CERS6: variants seen among roughly 807,000 people sequenced by gnomAD.
CERS6 encodes ceramide synthase 6.
CERS6 carries 26 observed loss-of-function variants against 56.8 expected under a neutral mutation model. The ratio of observed to expected loss-of-function variants is 0.46; its 90% CI spans 0.34 to 0.63. CERS6 has a LOEUF of 0.63. CERS6 is among the 30% of genes least tolerant of loss of function. The probability of loss-of-function intolerance (pLI) is 0.01; values close to 1 mark genes in which losing one functional copy is unlikely to be tolerated. For synonymous variants in CERS6, 164 were observed against 173.3 expected (o/e 0.95, Z 0.42); for missense variants, 415 against 467.5 (o/e 0.89, Z 1.04).
intron 4 of CERS6, among the ~76,000 whole-genome samples, chr2:168,683,800 C>G (rs564999479): frequency 7.2e-5 from 11 of 152,298 alleles, no homozygotes; most frequent in African/African-American, 2.6e-4. Context: ...TATCCCCAGA[C>G]TCTTGAGAAT....
intron 1 of CERS6, among the ~76,000 whole-genome samples, chr2:168,478,692 C>CT (rs1320560385): frequency 2.0e-5 from 3 of 152,256 alleles, no homozygotes; most frequent in Admixed American, 6.5e-5. Context: ...TCCCTGGAGA[C>CT]TTTTATCACT....
chr2:168,531,283 A>G (rs1695162147), intron 1 of CERS6, among the ~76,000 whole-genome samples: 2 of 152,230 alleles, frequency 1.3e-5, no homozygotes, highest in Admixed American at 1.3e-4. Context: ...AAAAACTAAA[A>G]TAGGACACTT....
At chr2:168,699,718 T>C (rs1686757289) in intron 6 of CERS6, among the ~76,000 whole-genome samples, 1 of 152,176 alleles carries the variant, frequency 6.6e-6, no homozygotes, top group Non-Finnish European at 1.5e-5. Flanking sequence ...AGTTGGTACT[T>C]ATTTGGTCAG....
intron 3 of CERS6, among the ~76,000 whole-genome samples, chr2:168,613,281 T>C (rs1381629539): frequency 6.6e-6 from 1 of 152,112 alleles, no homozygotes; most frequent in South Asian, 2.1e-4. Context: ...TGTCCAGGGA[T>C]ATAGAGATGG....
intron 3 of CERS6, 72 bp downstream of exon 3, chr2:168,561,394 G>A: frequency 6.4e-7 from 1 of 1,573,794 alleles, no homozygotes; most frequent in East Asian, 2.2e-5. Flanking sequence ...AAAAATAAAA[G>A]ATCTGTGCAG....
chr2:168,652,031 CA>C (rs1685354724), intron 4 of CERS6, among the ~76,000 whole-genome samples: 1 of 150,596 alleles, frequency 6.6e-6, no homozygotes, highest in African/African-American at 2.4e-5. Flanking sequence ...CACTGCCCCC[CA>C]CCCCCTTTTT....
At chr2:168,525,643 GC>G (rs533250186) in intron 1 of CERS6, among the ~76,000 whole-genome samples, 2 of 152,272 alleles carry the variant, frequency 1.3e-5, no homozygotes, top group South Asian at 2.1e-4. Context: ...CTATACAACG[GC>G]CCGAGCCCCT....
chr2:168,556,292 C>T (rs965190162), intron 2 of CERS6, among the ~76,000 whole-genome samples: 4 of 152,066 alleles, frequency 2.6e-5, no homozygotes, highest in Admixed American at 6.5e-5. Context: ...TGAACTGAAC[C>T]TAGTAACACA....
At chr2:168,666,081 C>T (rs1336817335) in intron 4 of CERS6, among the ~76,000 whole-genome samples, 1 of 151,982 alleles carries the variant, frequency 6.6e-6, no homozygotes, top group African/African-American at 2.4e-5. Context: ...GACCCCTGCA[C>T]TCCCCAGTTT....
chr2:168,518,796 T>C (rs1368214009), intron 1 of CERS6, among the ~76,000 whole-genome samples: 3 of 152,228 alleles, frequency 2.0e-5, no homozygotes, highest in Non-Finnish European at 4.4e-5. Flanking sequence ...CCTGCAGAGC[T>C]GATGTCTTTC....
chr2:168,676,088 A>T (rs1686053045), intron 4 of CERS6, among the ~76,000 whole-genome samples: 1 of 152,198 alleles, frequency 6.6e-6, no homozygotes, highest in Non-Finnish European at 1.5e-5. Context: ...TTCTACATTC[A>T]GTCTGTTGTG....
chr2:168,620,647 C>T (rs970193480), intron 3 of CERS6, among the ~76,000 whole-genome samples: 3 of 152,140 alleles, frequency 2.0e-5, no homozygotes, highest in South Asian at 4.1e-4. Context: ...TGGATTCTAC[C>T]TCATCCCTGT....
chr2:168,493,659 T>G (rs919658898), intron 1 of CERS6, among the ~76,000 whole-genome samples: 6 of 152,132 alleles, frequency 3.9e-5, no homozygotes, highest in African/African-American at 1.4e-4. Flanking sequence ...GAATCAATTT[T>G]AGCTGAACAC....
intron 1 of CERS6, among the ~76,000 whole-genome samples, chr2:168,486,519 G>GTTTTTTTTTTTTTTTTT (rs200121622): frequency 7.6e-6 from 1 of 130,972 alleles, no homozygotes; most frequent in Non-Finnish European, 1.6e-5. Flanking sequence ...TCTAGATTTG[G>GTTTTTTTTTTTTTTTTT]TTTTGTTTTT....
At chr2:168,691,744 A>T (rs1686508917) in intron 5 of CERS6, among the ~76,000 whole-genome samples, 1 of 152,200 alleles carries the variant, frequency 6.6e-6, no homozygotes, top group Non-Finnish European at 1.5e-5. Context: ...AGATCCGTTT[A>T]AAAAGCTGGG....
rs115679556 is a variant in CERS6, at chr2:168,516,624, G to A, written c.171-30972G>A. The stretch of plus-strand genomic sequence containing the variant: ...TTTTGGGGATTAAATGAATTGCTAG[G>A]TGTAAGTTTCTTGGCGGAGCGGCTA... On this transcript the variant is annotated intron_variant, in intron 1 of 9. Coordinates refer to ENST00000305747, the MANE Select transcript of CERS6 (RefSeq NM_203463.3). 1.9e-3 allele frequency among the ~76,000 whole-genome samples: 291 copies of A among 152,252 alleles called. 2 individuals carry two copies. The highest frequency in any genetic ancestry group is 6.7e-3 in the African/African-American group (277 of 41,542).
intron 5 of CERS6, among the ~76,000 whole-genome samples, chr2:168,694,256 C>G (rs1197653482): frequency 6.6e-6 from 1 of 152,070 alleles, no homozygotes; most frequent in East Asian, 1.9e-4. Context: ...GAGCCTCCCC[C>G]CGACCCTGAG....
chr2:168,592,995 A>G (rs1683710430), intron 3 of CERS6, among the ~76,000 whole-genome samples: 4 of 152,110 alleles, frequency 2.6e-5, no homozygotes, highest in Admixed American at 2.6e-4. Flanking sequence ...ACTTTACAGG[A>G]GAGTTTGTTC....
At chr2:168,564,083 A>T (rs922895763) in intron 3 of CERS6, among the ~76,000 whole-genome samples, 8 of 152,170 alleles carry the variant, frequency 5.3e-5, no homozygotes, top group African/African-American at 1.9e-4. Context: ...GTGGTCTTTA[A>T]TGTGTTAATG....
Sources: gnomAD v4.1 joint callset for allele counts (sites outside exome capture counted in the v4.1 genomes callset) on GRCh38, gnomAD v4.1.1 for gene constraint, MANE v1.5 for transcripts, NCBI Gene and HGNC (gene_info 2026-07-23, HGNC 2026-07-21) for gene names.